Variants in GDF10 observed in about 807,000 individuals in gnomAD.
GDF10 encodes growth differentiation factor 10.
Under a neutral mutation model 32.1 loss-of-function variants are expected in GDF10, and 23 were observed. That is an observed-to-expected ratio of 0.72 (90% CI 0.52 to 1.02). The LOEUF is 1.02. GDF10 is among the 50% of genes least tolerant of loss of function. The pLI is 0.00. For synonymous variants in GDF10, 328 were observed against 303.1 expected (o/e 1.08, Z -0.85); for missense variants, 764 against 673.9 (o/e 1.13, Z -1.48).
In GDF10 at chr10:47,305,613, A is replaced by G. The variant is rs184903507; in HGVS notation, c.320-4183A>G. ...TGTTTGAGGGGCAGTGGGTGAAGGG[A>G]CAGATCTCCAAACCGTCTTGGAATC... On this transcript the variant is annotated intron_variant, in intron 1 of 2. Coordinates refer to ENST00000580279, the MANE Select transcript of GDF10 (RefSeq NM_004962.5). 2.2e-3 allele frequency among the ~76,000 whole-genome samples: 335 copies of G among 152,290 alleles called. 3 individuals carry two copies. The highest frequency in any genetic ancestry group is 7.4e-3 in the African/African-American group (307 of 41,562).
In GDF10 at chr10:47,300,359, C is replaced by G. The variant is rs909922773; in HGVS notation, c.-293C>G. On this transcript the variant is annotated 5_prime_UTR_variant, in exon 1 of 3. Coordinates refer to ENST00000580279, the MANE Select transcript of GDF10 (RefSeq NM_004962.5). ...GGGCGCGCAGTGGGCTACAAACTTT[C>G]GCGGCGCGAGTCCGCCAAGGCAGCG... 57 of 324,602 alleles carry G rather than the reference C, an allele frequency of 1.8e-4. No homozygotes were observed. The highest frequency in any genetic ancestry group is 9.8e-4 in the East Asian group (20 of 20,488). The allele number at this position is 324,602 out of a possible 1,614,324, so 20.1% of individuals were successfully genotyped here.
Position 47,310,388 on chromosome 10 carries a change from G to A in GDF10, c.912G>A (p.Pro304=), listed in dbSNP as rs61731868. 4.7e-3 allele frequency: 7,608 copies of A among 1,608,516 alleles called. 321 individuals are homozygous for A. The African/African-American group carries it at 0.085, about 18-fold the overall frequency. The part of the protein sequence containing the change: ...ATGPLQDNEL[P]GLDERPPRAH... ...GGCCCCTCCAGGACAACGAGCTGCC[G>A]GGGCTGGATGAGAGGCCGCCGCGCG... Residue 304 remains proline (P), a synonymous_variant, in exon 2 of 3, where the codon CCG becomes CCA. Transcript: ENST00000580279.
chr10:47,307,300 G>A (rs1198389033), intron 1 of GDF10, among the ~76,000 whole-genome samples: 1 of 152,114 alleles, frequency 6.6e-6, no homozygotes, highest in Admixed American at 6.5e-5. Flanking sequence ...GGAAAGAGGG[G>A]AAGAAAAGAG....
Position 47,312,768 on chromosome 10 carries a change from C to T in GDF10, c.1413C>T (p.Ser471=), listed in dbSNP as rs782253093. The change falls in exon 3 of 3, where the codon TCC becomes TCT. Residue 471 remains serine (S), a synonymous_variant. Coordinates refer to ENST00000580279, the MANE Select transcript of GDF10 (RefSeq NM_004962.5). The part of the protein sequence containing the change: ...NVVLKVYPNM[S]VDTCACR The stretch of plus-strand genomic sequence containing the variant: ...TTCTGAAGGTGTACCCCAACATGTC[C>T]GTGGACACCTGTGCCTGCCGGTGAG... The T allele has an allele frequency of 3.1e-6, 5 of 1,594,198 alleles. No individual in the cohort carries two copies. Among genetic ancestry groups the T allele is most frequent in the Non-Finnish European group, 3.4e-6 (4 of 1,169,658 alleles).
At position 47,300,912 on chromosome 10, in the gene GDF10, C is replaced by T. The variant is rs1393290107; in HGVS notation, c.261C>T (p.Ser87=). The change falls in exon 1 of 3, where the codon AGC becomes AGT. Residue 87 remains serine, a synonymous_variant. Transcript: ENST00000580279. Reference sequence around the variant, plus strand: ...TGCACAGGCTCTATGAGAAGTACAGCCGGCAGGGCGCGCGGCCGGGAGGGG... The same window carrying T: ...TGCACAGGCTCTATGAGAAGTACAGTCGGCAGGGCGCGCGGCCGGGAGGGG... The part of the protein sequence containing the change: ...VHMHRLYEKY[S]RQGARPGGGN... 1.3e-6 allele frequency: 2 copies of T among 1,559,390 alleles called. No homozygotes were observed. Among genetic ancestry groups the T allele is most frequent in the Non-Finnish European group, 1.7e-6 (2 of 1,160,140 alleles).
intron 2 of GDF10, among the ~76,000 whole-genome samples, chr10:47,312,172 G>A (rs1467887969): frequency 6.6e-6 from 1 of 151,930 alleles, no homozygotes; most frequent in Non-Finnish European, 1.5e-5. Context: ...AGTGACAAGA[G>A]CACAACCTCG....
Position 47,300,693 on chromosome 10 carries a change from C to A in GDF10, c.42C>A (p.Pro14=). Residue 14 remains proline, a synonymous_variant, in exon 1 of 3, where the codon CCC becomes CCA. Transcript: ENST00000580279. ...CTCGGACCAGCCCGGGACCCGGGCC[C>A]CAGCTGCTGCTGCTGCTGCTGCCGT... ...VPARTSPGPG[P]QLLLLLLPLF... 6.2e-7 allele frequency: 1 copy of A among 1,601,960 alleles called. No individual in the cohort carries two copies.
At chr10:47,311,775 C>T (rs560068008) in intron 2 of GDF10, among the ~76,000 whole-genome samples, 1 of 152,218 alleles carries the variant, frequency 6.6e-6, no homozygotes, top group Admixed American at 6.5e-5. Flanking sequence ...CCCCACCTTC[C>T]GGGACACCAG....
At chr10:47,308,075 T>TG (rs1208798808) in intron 1 of GDF10, among the ~76,000 whole-genome samples, 16 of 152,164 alleles carry the variant, frequency 1.1e-4, no homozygotes, top group East Asian at 1.9e-4. Flanking sequence ...AGCTTGGGGA[T>TG]GGGGGGGTGC....
intron 1 of GDF10, among the ~76,000 whole-genome samples, 161 bp from the exon 2 acceptor site, chr10:47,309,635 G>A (rs1565748023): frequency 6.6e-6 from 1 of 152,216 alleles, no homozygotes; most frequent in Non-Finnish European, 1.5e-5. Flanking sequence ...GCCCTCATCA[G>A]TTTCATGTGA....
chr10:47,302,108 T>C (rs2061006867), intron 1 of GDF10, among the ~76,000 whole-genome samples: 1 of 152,224 alleles, frequency 6.6e-6, no homozygotes, highest in Non-Finnish European at 1.5e-5. Flanking sequence ...CTCATAACTT[T>C]CTTGCACCAT....
intron 1 of GDF10, among the ~76,000 whole-genome samples, chr10:47,304,969 T>C (rs1324868880): frequency 6.6e-6 from 1 of 151,890 alleles, no homozygotes; most frequent in African/African-American, 2.4e-5. Context: ...ATGAGTGCGA[T>C]GTAAGAGGGA....
chr10:47,300,871 A>T lies in GDF10; in HGVS notation c.220A>T (p.Met74Leu), dbSNP rs1390589361. Reference protein sequence around the residue: ...AATLGPSAQDMVAVHMHRLYE... With the variant: ...AATLGPSAQDLVAVHMHRLYE... ...CACGTTGGGCCCCAGCGCCCAGGAC[A>T]TGGTCGCTGTCCACATGCACAGGCT... Residue 74 changes from methionine to leucine, a missense_variant, in exon 1 of 3, where the codon ATG (methionine) becomes TTG (leucine). Met to Leu is a conservative substitution (Grantham distance 15). Transcript: ENST00000580279. The T allele has an allele frequency of 1.3e-6, 2 of 1,588,090 alleles. No individual in the cohort carries two copies. The highest frequency in any genetic ancestry group is 1.7e-6 in the Non-Finnish European group (2 of 1,174,950).
chr10:47,312,636 C>T lies in GDF10; in HGVS notation c.1281C>T (p.Ser427=), dbSNP rs782013992. 8.7e-6 allele frequency: 14 copies of T among 1,602,158 alleles called. No individual in the cohort carries two copies. Among genetic ancestry groups the T allele is most frequent in the Non-Finnish European group, 1.1e-5 (13 of 1,174,492 alleles). The change falls in exon 3 of 3, where the codon AGC becomes AGT. Residue 427 remains serine, a synonymous_variant. Transcript: ENST00000580279. ...CATCCAACCATGCCACCATCCAGAG[C>T]ATTGTCAGGGCTGTGGGCATCATCC... The part of the protein sequence containing the change: ...VRPSNHATIQ[S]IVRAVGIIPG...
At chr10:47,303,613 C>A (rs1452865556) in intron 1 of GDF10, among the ~76,000 whole-genome samples, 1 of 152,270 alleles carries the variant, frequency 6.6e-6, no homozygotes, top group Admixed American at 6.5e-5. Context: ...CCACCCCTTC[C>A]TTCCTTCCCT....
chr10:47,308,024 C>T (rs1392387524), intron 1 of GDF10, among the ~76,000 whole-genome samples: 2 of 152,134 alleles, frequency 1.3e-5, no homozygotes, highest in Non-Finnish European at 2.9e-5. Flanking sequence ...CAGGGCGTGG[C>T]GCCACTGAGT....
intron 1 of GDF10, among the ~76,000 whole-genome samples, chr10:47,304,942 G>C (rs2125067): frequency 0.91 from 138,372 of 152,236 alleles, 63,428 homozygotes; most frequent in Non-Finnish European, 0.98. Context: ...TTCTAATAGA[G>C]AATTTGCTTT....
chr10:47,310,138 T>C lies in GDF10; in HGVS notation c.662T>C (p.Leu221Pro), dbSNP rs781994306. ...KAARRDGELL[L>P]SAQLDSEERD... is the part of the protein sequence containing the mutation. Reference sequence around the variant, plus strand: ...GCCCGCCGGGATGGCGAGCTGCTCCTCTCCGCCCAGCTGGATTCTGAGGAG... The same window carrying C: ...GCCCGCCGGGATGGCGAGCTGCTCCCCTCCGCCCAGCTGGATTCTGAGGAG... Residue 221 changes from leucine (L) to proline (P), a missense_variant, in exon 2 of 3, where the codon CTC (leucine) becomes CCC (proline). By Grantham distance (98) the Leu-to-Pro change is moderately conservative. Transcript: ENST00000580279. The C allele has an allele frequency of 3.7e-6, 6 of 1,611,704 alleles. No individual in the cohort carries two copies. The highest frequency in any genetic ancestry group is 5.1e-6 in the Non-Finnish European group (6 of 1,179,476).
chr10:47,306,180 C>T (rs2061022474), intron 1 of GDF10, among the ~76,000 whole-genome samples: 1 of 152,218 alleles, frequency 6.6e-6, no homozygotes, highest in South Asian at 2.1e-4. Flanking sequence ...GAACACTCAG[C>T]ATAGGACCAA....
Sources: allele counts gnomAD v4.1 joint callset (sites outside exome capture counted in the v4.1 genomes callset), GRCh38; gene constraint gnomAD v4.1.1; transcripts MANE v1.5; gene names NCBI Gene and HGNC (gene_info 2026-07-23, HGNC 2026-07-21).